The following ZDHHC21 variants were observed in gnomAD, a reference collection of about 807,000 sequenced individuals.
ZDHHC21 encodes the protein palmitoyltransferase ZDHHC21.
ZDHHC21 carries 15 observed loss-of-function variants against 34.6 expected under a neutral mutation model. That is an observed-to-expected ratio of 0.43 (90% CI 0.29 to 0.67). ZDHHC21 has a LOEUF of 0.67. Ranked by LOEUF, ZDHHC21 falls within the 30% of genes least tolerant of loss-of-function variation. ZDHHC21 has a pLI of 0.14. For missense variants in ZDHHC21, 344 were observed against 327.7 expected (o/e 1.05, Z -0.38); for synonymous variants, 142 against 101.8 (o/e 1.40, Z -2.38).
At position 14,632,102 on chromosome 9, in the gene ZDHHC21, C is replaced by T. The variant is rs185096835; in HGVS notation, c.621+7794G>A. 3.0e-3 allele frequency among the ~76,000 whole-genome samples: 452 copies of T among 150,596 alleles called. 2 individuals are homozygous for T. In the South Asian group the frequency reaches 0.031, roughly 10 times the overall value. ...ACACACACACACACTATCTACAAAG[C>T]ACAATATAACAAGTATGCCTGTATA... On this transcript the variant is annotated intron_variant, in intron 8 of 9. Transcript: ENST00000380916.
At chr9:14,592,146 A>T in the ZDHHC21 span, among the ~76,000 whole-genome samples, 1 of 151,914 alleles carries the variant, frequency 6.6e-6, no homozygotes, top group Non-Finnish European at 1.5e-5. Flanking sequence ...CTTTTGTATT[A>T]AACATCTATT....
intron 8 of ZDHHC21, among the ~76,000 whole-genome samples, chr9:14,637,843 A>G (rs1828582791): frequency 6.6e-6 from 1 of 152,080 alleles, no homozygotes; most frequent in Non-Finnish European, 1.5e-5. Flanking sequence ...AGATCTCTAT[A>G]AGGAAAACTG....
rs1370095541 is a variant in ZDHHC21, at chr9:14,629,433, AC to A, written c.622-9752del. Among the ~76,000 whole-genome samples, 10 of 152,314 alleles carry A rather than the reference AC, an allele frequency of 6.6e-5. 1 individual carries two copies. In the East Asian group the frequency reaches 1.9e-3, roughly 29 times the overall value. On this transcript the variant is annotated intron_variant, in intron 8 of 9. Coordinates refer to ENST00000380916, the MANE Select transcript of ZDHHC21 (RefSeq NM_178566.6). ...GATACACAAAAACCATAAATAACTT[AC>A]AGAAATACCTCGAAGATATTGCAGG...
downstream of ZDHHC21, among the ~76,000 whole-genome samples, chr9:14,610,376 G>T (rs1367802616): frequency 6.6e-6 from 1 of 151,838 alleles, no homozygotes; most frequent in Non-Finnish European, 1.5e-5. Context: ...TTATCAGAAG[G>T]CAAACTTTCG....
intron 2 of ZDHHC21, among the ~76,000 whole-genome samples, chr9:14,689,461 T>C (rs1378267909): frequency 6.6e-6 from 1 of 152,194 alleles, no homozygotes; most frequent in Non-Finnish European, 1.5e-5. Context: ...ATACTTGCAC[T>C]ATCAATGGTT....
chr9:14,625,770 A>C (rs1826098262), intron 8 of ZDHHC21, among the ~76,000 whole-genome samples: 1 of 151,896 alleles, frequency 6.6e-6, no homozygotes, highest in Non-Finnish European at 1.5e-5. Flanking sequence ...TAGGGACTAC[A>C]AGAGACTACA....
intron 8 of ZDHHC21, among the ~76,000 whole-genome samples, chr9:14,622,199 G>A (rs1275008511): frequency 6.6e-6 from 1 of 151,930 alleles, no homozygotes; most frequent in Non-Finnish European, 1.5e-5. Context: ...AGATATATGA[G>A]GATGATTTAC....
At chr9:14,631,769 G>A (rs1331222519) in intron 8 of ZDHHC21, among the ~76,000 whole-genome samples, 2 of 152,056 alleles carry the variant, frequency 1.3e-5, no homozygotes, top group Non-Finnish European at 2.9e-5. Context: ...GAGAGATAGA[G>A]GAATGGCCAG....
the ZDHHC21 span, among the ~76,000 whole-genome samples, chr9:14,593,033 G>A: frequency 6.6e-6 from 1 of 151,980 alleles, no homozygotes; most frequent in Non-Finnish European, 1.5e-5. Flanking sequence ...GCAATTTATA[G>A]CTTTAAAAAT....
At chr9:14,653,862 A>C (rs923784855) in intron 7 of ZDHHC21, among the ~76,000 whole-genome samples, 7 of 152,054 alleles carry the variant, frequency 4.6e-5, no homozygotes, top group Non-Finnish European at 1.0e-4. Context: ...ACCAACACTC[A>C]CACCAAAAAC....
Position 14,617,952 on chromosome 9 carries a change from T to C in ZDHHC21, c.*1014A>G, listed in dbSNP as rs938745185. ...AAATTTCTATATGAGTTGGCCAATA[T>C]ATATAAACCTTCAATGTGAAATTTT... On this transcript the variant is annotated 3_prime_UTR_variant, in exon 10 of 10. Coordinates refer to ENST00000380916, the MANE Select transcript of ZDHHC21 (RefSeq NM_178566.6). 3.9e-5 allele frequency: 6 copies of C among 152,170 alleles called. No homozygotes were observed. Among genetic ancestry groups the C allele is most frequent in the Non-Finnish European group, 7.4e-5 (5 of 67,938 alleles). The allele number at this position is 152,170 out of a possible 1,614,324, so 9.4% of individuals were successfully genotyped here.
chr9:14,626,269 A>C (rs926760624), intron 8 of ZDHHC21, among the ~76,000 whole-genome samples: 2 of 152,010 alleles, frequency 1.3e-5, no homozygotes, highest in African/African-American at 4.8e-5. Flanking sequence ...AACCATAAAT[A>C]TAAGATTTAC....
intron 7 of ZDHHC21, among the ~76,000 whole-genome samples, chr9:14,656,791 C>T (rs1245906912): frequency 6.6e-6 from 1 of 151,872 alleles, no homozygotes; most frequent in East Asian, 1.9e-4. Flanking sequence ...ATGCTACTAA[C>T]ATATTATTAT....
At chr9:14,636,857 G>A (rs1828396437) in intron 8 of ZDHHC21, among the ~76,000 whole-genome samples, 1 of 152,012 alleles carries the variant, frequency 6.6e-6, no homozygotes, top group African/African-American at 2.4e-5. Context: ...TAAAACAAAT[G>A]AAAATGAAAA....
In ZDHHC21 at chr9:14,662,310, T is replaced by C. The variant is rs1451100834; in HGVS notation, c.270A>G (p.Glu90=). The change falls in exon 6 of 10, where the codon GAA becomes GAG. Residue 90 remains glutamate (E), a synonymous_variant. Coordinates refer to ENST00000380916, the MANE Select transcript of ZDHHC21 (RefSeq NM_178566.6). ...TCATCAAATTACACTTGTTACATAA[T>C]TCCCAGAACTCCCTTTCTAAAGAAA... ...KIPHGEREFW[E]LCNKCNLMRP... 1 of 1,607,996 alleles carries C rather than the reference T, an allele frequency of 6.2e-7. No individual in the cohort carries two copies. The highest frequency in any genetic ancestry group is 2.2e-5 in the East Asian group (1 of 44,760).
chr9:14,684,927 A>G (rs1237886979), intron 2 of ZDHHC21, among the ~76,000 whole-genome samples: 1 of 152,200 alleles, frequency 6.6e-6, no homozygotes, highest in African/African-American at 2.4e-5. Flanking sequence ...ATCTTTGACA[A>G]ATCTGACAAA....
chr9:14,683,870 A>T (rs1837812472), intron 2 of ZDHHC21: 1 of 152,190 alleles, frequency 6.6e-6, no homozygotes, highest in Non-Finnish European at 1.5e-5. Context: ...AGTGGGCTTC[A>T]TCGCTAGGAT....
intron 6 of ZDHHC21, among the ~76,000 whole-genome samples, chr9:14,660,442 T>C (rs944269582): frequency 2.7e-5 from 4 of 149,024 alleles, no homozygotes; most frequent in Non-Finnish European, 5.9e-5. Flanking sequence ...AACGTGAGAA[T>C]TGACCTCCAA....
At chr9:14,605,778 CTA>C in the ZDHHC21 span, among the ~76,000 whole-genome samples, 2 of 152,212 alleles carry the variant, frequency 1.3e-5, no homozygotes, top group East Asian at 1.9e-4. Context: ...AGATTTTCCC[CTA>C]TGTTTTCTTT....
Sources: allele counts gnomAD v4.1 joint callset (sites outside exome capture counted in the v4.1 genomes callset), GRCh38; gene constraint gnomAD v4.1.1; transcripts MANE v1.5; gene names NCBI Gene and HGNC (gene_info 2026-07-23, HGNC 2026-07-21).